The following VPS13A variants were observed in gnomAD, a reference collection of about 807,000 sequenced individuals.
VPS13A encodes the protein intermembrane lipid transfer protein VPS13A.
VPS13A carries 264 observed loss-of-function variants against 390.9 expected under a neutral mutation model. The ratio of observed to expected loss-of-function variants is 0.68; its 90% CI spans 0.61 to 0.75. The LOEUF is 0.75. Among genes scored for constraint, VPS13A ranks in the 30% least tolerant of loss-of-function variants. The pLI, the probability that VPS13A is intolerant of heterozygous loss-of-function variation, is 0.00. For missense variants in VPS13A, 3,409 were observed against 3,733.9 expected (o/e 0.91, Z 2.27); for synonymous variants, 1,231 against 1,227.1 (o/e 1.00, Z -0.07).
At chr9:77,380,763 G>A (rs1833383396) in intron 67 of VPS13A, among the ~76,000 whole-genome samples, 1 of 152,214 alleles carries the variant, frequency 6.6e-6, no homozygotes, top group Admixed American at 6.5e-5. Context: ...ATTTCAGGAT[G>A]GAACTGTTCC....
intron 3 of VPS13A, among the ~76,000 whole-genome samples, chr9:77,204,052 A>G (rs1366847041): frequency 6.6e-6 from 1 of 152,150 alleles, no homozygotes; most frequent in African/African-American, 2.4e-5. Context: ...GAAATCAGAT[A>G]GTTCATTTTT....
chr9:77,204,577 A>G (rs1360332997), intron 3 of VPS13A, among the ~76,000 whole-genome samples: 1 of 152,182 alleles, frequency 6.6e-6, no homozygotes, highest in Admixed American at 6.5e-5. Context: ...TGTAACACAC[A>G]TATACATAAT....
At chr9:77,209,568 T>G in intron 6 of VPS13A, 36 bp downstream of exon 6, 1 of 1,323,428 alleles carries the variant, frequency 7.6e-7, no homozygotes, top group Admixed American at 1.8e-5. Context: ...GTTTTTATAT[T>G]TATATGTAAG....
At chr9:77,414,223 G>T (rs1835067553) in intron 71 of VPS13A, among the ~76,000 whole-genome samples, 1 of 152,204 alleles carries the variant, frequency 6.6e-6, no homozygotes, top group Admixed American at 6.5e-5. Flanking sequence ...ATTTGACTTA[G>T]CCATCCCATT....
At chr9:77,288,835 A>G (rs181607232) in intron 31 of VPS13A, among the ~76,000 whole-genome samples, 5 of 151,954 alleles carry the variant, frequency 3.3e-5, no homozygotes, top group African/African-American at 9.7e-5. Context: ...TCTGATTATA[A>G]CCATTGATTT....
chr9:77,202,596 A>G (rs1205152356), intron 3 of VPS13A, among the ~76,000 whole-genome samples: 6 of 152,136 alleles, frequency 3.9e-5, no homozygotes, highest in Non-Finnish European at 4.4e-5. Flanking sequence ...ATAACTTTTA[A>G]ACTTTTACCA....
At chr9:77,260,343 G>C in intron 23 of VPS13A, 119 bp downstream of exon 23, 72 of 529,004 alleles carry the variant, frequency 1.4e-4, no homozygotes, top group Non-Finnish European at 1.9e-4. Context: ...TAGACATTAA[G>C]AAAATTACTT....
At chr9:77,311,204 G>A (rs1268711679) in intron 35 of VPS13A, among the ~76,000 whole-genome samples, 1 of 152,034 alleles carries the variant, frequency 6.6e-6, no homozygotes, top group African/African-American at 2.4e-5. Context: ...GATTACAGGC[G>A]TGAGCCACCA....
chr9:77,337,602 A>G, intron 47 of VPS13A, 65 bp downstream of exon 47: 1 of 1,502,074 alleles, frequency 6.7e-7, no homozygotes, highest in Non-Finnish European at 9.1e-7. Context: ...TTTAAGATTA[A>G]GATCAATAAA....
intron 58 of VPS13A, 116 bp from the exon 59 acceptor site, chr9:77,360,420 A>G: frequency 1.3e-6 from 1 of 762,254 alleles, no homozygotes; most frequent in South Asian, 1.6e-5. Flanking sequence ...TAGTCAACTA[A>G]ATAGTCCTAA....
At chr9:77,394,897 T>C (rs1413513956) in intron 68 of VPS13A, among the ~76,000 whole-genome samples, 1 of 152,192 alleles carries the variant, frequency 6.6e-6, no homozygotes, top group Non-Finnish European at 1.5e-5. Context: ...CTTCATATAA[T>C]TGAAGATAGT....
At chr9:77,397,794 T>G (rs1834178669) in intron 68 of VPS13A, among the ~76,000 whole-genome samples, 2 of 152,216 alleles carry the variant, frequency 1.3e-5, no homozygotes. Flanking sequence ...TACCTATAGA[T>G]TCTGACAATT....
In VPS13A at chr9:77,283,388, C is replaced by G; in HGVS notation, c.3152C>G (p.Thr1051Ser). The stretch of plus-strand genomic sequence containing the variant: ...CTATCCACAAATGAAGATATCATTA[C>G]TTTGCAGATTTTAGCAGAATTATCG... Reference protein sequence around the residue: ...LKLSTNEDIITLQILAELSCL... With the variant: ...LKLSTNEDIISLQILAELSCL... The change falls in exon 30 of 72, where the codon ACT becomes AGT. Residue 1051 changes from threonine to serine, a missense_variant. By Grantham distance (58) the Thr-to-Ser change is moderately conservative. Transcript: ENST00000360280. 1 of 1,605,334 alleles carries G rather than the reference C, an allele frequency of 6.2e-7. No individual in the cohort carries two copies. The highest frequency in any genetic ancestry group is 1.1e-5 in the South Asian group (1 of 90,530).
intron 37 of VPS13A, among the ~76,000 whole-genome samples, chr9:77,314,939 T>C (rs1036408793): frequency 4.5e-4 from 68 of 152,284 alleles, no homozygotes; most frequent in African/African-American, 1.6e-3. Context: ...TTCTCTAATA[T>C]AAATCTAATA....
chr9:77,358,235 C>A, intron 56 of VPS13A, 122 bp from the exon 57 acceptor site: 1 of 834,756 alleles, frequency 1.2e-6, no homozygotes, highest in South Asian at 1.5e-5. Context: ...GGATTACAGG[C>A]GTGAGCCACC....
chr9:77,298,120 T>C (rs1479065906), intron 33 of VPS13A, among the ~76,000 whole-genome samples: 2 of 152,090 alleles, frequency 1.3e-5, no homozygotes, highest in Admixed American at 6.6e-5. Flanking sequence ...AAAAACCCAG[T>C]AGAATAGAGA....
chr9:77,249,642 T>C (rs1174827867), intron 20 of VPS13A, among the ~76,000 whole-genome samples: 1 of 152,208 alleles, frequency 6.6e-6, no homozygotes, highest in Non-Finnish European at 1.5e-5. Context: ...AAATATAACT[T>C]GCCTGGAGTT....
chr9:77,234,235 G>A (rs1824001588), intron 17 of VPS13A, among the ~76,000 whole-genome samples: 2 of 152,118 alleles, frequency 1.3e-5, no homozygotes, highest in African/African-American at 2.4e-5. Context: ...GAGTGCAGTG[G>A]TGTAGTTATA....
chr9:77,227,498 C>A lies in VPS13A; in HGVS notation c.1452+13C>A, dbSNP rs185620673. 301 of 1,547,456 alleles carry A rather than the reference C, an allele frequency of 1.9e-4. 2 individuals carry two copies. In the African/African-American group the frequency reaches 3.2e-3, roughly 17 times the overall value. On this transcript the variant is annotated intron_variant, in intron 16 of 71. Transcript: ENST00000360280. ...TTTACTAAAAACAGTAAGATGTTTT[C>A]TTGCCTTATACCTTAGAATATATTT... is the stretch of plus-strand genomic sequence containing the variant.
Sources: allele counts gnomAD v4.1 joint callset (sites outside exome capture counted in the v4.1 genomes callset), GRCh38; gene constraint gnomAD v4.1.1; transcripts MANE v1.5; gene names NCBI Gene and HGNC (gene_info 2026-07-23, HGNC 2026-07-21).